The following SNX19 variants were observed in gnomAD, a reference collection of about 807,000 sequenced individuals.
The protein encoded by SNX19 is sorting nexin-19.
Under a neutral mutation model 85.2 loss-of-function variants are expected in SNX19, and 60 were observed. The observed-to-expected ratio is 0.70, with a 90% CI of 0.57 to 0.87. SNX19 has a LOEUF of 0.87. Among genes scored for constraint, SNX19 ranks in the 40% least tolerant of loss-of-function variants. The pLI is 0.00. For synonymous variants in SNX19, 520 were observed against 470.0 expected, an observed-to-expected ratio of 1.11 and a Z score of -1.38; for missense variants, 1,201 against 1,217.8, an observed-to-expected ratio of 0.99 and a Z score of 0.21.
intron 8 of SNX19, among the ~76,000 whole-genome samples, chr11:130,888,314 T>C (rs1944235777): frequency 6.6e-6 from 1 of 152,164 alleles, no homozygotes. Context: ...ATGAAAAAAT[T>C]GATCAGGATA....
chr11:130,910,342 T>A lies in SNX19; in HGVS notation c.1842A>T (p.Pro614=). 6.2e-7 allele frequency: 1 copy of A among 1,609,864 alleles called. No individual in the cohort carries two copies. Among genetic ancestry groups the A allele is most frequent in the Non-Finnish European group, 8.5e-7 (1 of 1,179,186 alleles). ...KNVKGPKKLF[P]DLPLGNMDSD... ...TGTCCATGTTTCCCAATGGAAGATC[T>A]GGAAAGAGCTTTTTAGGACCCTTCA... Residue 614 remains proline (P), a synonymous_variant, in exon 3 of 11, where the codon CCA becomes CCT. Transcript: ENST00000265909.
At chr11:130,904,783 T>G (rs770351319) in intron 7 of SNX19, among the ~76,000 whole-genome samples, 5 of 151,928 alleles carry the variant, frequency 3.3e-5, no homozygotes, top group Non-Finnish European at 5.9e-5. Flanking sequence ...CCTCTAGAGA[T>G]ATGATGTTCA....
In SNX19 at chr11:130,893,817, C is replaced by T. The variant is rs552398951; in HGVS notation, c.2573+9438G>A. 335 of 702,290 alleles carry T rather than the reference C, an allele frequency of 4.8e-4. No individual in the cohort carries two copies. The East Asian group carries it at 6.5e-3, about 14-fold the overall frequency. The allele number at this position is 702,290 out of a possible 1,614,324, so 43.5% of individuals were successfully genotyped here. ...CCTCCCAGGAAGGCTGAATCCTCTCCGAGAAATCTTTCGGGGCCAGCATTA... is the reference window on the plus strand; with the variant it reads ...CCTCCCAGGAAGGCTGAATCCTCTCTGAGAAATCTTTCGGGGCCAGCATTA... On this transcript the variant is annotated intron_variant, in intron 8 of 10. Transcript: ENST00000265909.
At chr11:130,889,413 A>AG (rs1944338851) in intron 8 of SNX19, among the ~76,000 whole-genome samples, 1 of 152,128 alleles carries the variant, frequency 6.6e-6, no homozygotes, top group South Asian at 2.1e-4. Context: ...AAGACTCTTA[A>AG]GGTTTTGAAG....
At chr11:130,909,578 C>G (rs996367231) in intron 4 of SNX19, among the ~76,000 whole-genome samples, 1 of 152,184 alleles carries the variant, frequency 6.6e-6, no homozygotes, top group African/African-American at 2.4e-5. Flanking sequence ...ATACTCTGTT[C>G]TCTAGCGGAG....
chr11:130,897,561 G>A (rs567777156), intron 8 of SNX19, among the ~76,000 whole-genome samples: 43 of 152,274 alleles, frequency 2.8e-4, no homozygotes, highest in African/African-American at 9.9e-4. Context: ...TATTTTTATC[G>A]TGGCATTGCT....
At chr11:130,893,682 C>G (rs756523860) in intron 8 of SNX19, 50 of 650,552 alleles carry the variant, frequency 7.7e-5, no homozygotes, top group Non-Finnish European at 1.1e-4. Flanking sequence ...GGGTAGAAAA[C>G]ACAGAGGAGT....
At chr11:130,905,594 A>C in intron 7 of SNX19, 3 of 1,324,800 alleles carry the variant, frequency 2.3e-6, no homozygotes, top group Non-Finnish European at 3.0e-6. Flanking sequence ...AAAAGGCATG[A>C]AGGAAACCAG....
intron 7 of SNX19, among the ~76,000 whole-genome samples, chr11:130,905,315 A>G (rs1945580119): frequency 6.6e-6 from 1 of 151,732 alleles, no homozygotes; most frequent in Admixed American, 6.6e-5. Context: ...ATCATCTGCC[A>G]TGGCAGTAAA....
At chr11:130,891,353 G>C (rs964035324) in intron 8 of SNX19, among the ~76,000 whole-genome samples, 1 of 117,576 alleles carries the variant, frequency 8.5e-6, no homozygotes. Context: ...TTCACACCTG[G>C]CTATGCATTC....
rs1942794004 is a variant in SNX19 at position 130,867,035 on chromosome 11, A to G, written c.*11387T>C. ...GGTGTGAAATCCCTTTCCTAAGGCC[A>G]GACAGCTAACTACTGACAGAGCTGG... On this transcript the variant is annotated 3_prime_UTR_variant, in exon 11 of 11. Transcript: ENST00000265909. 1 of 152,246 alleles carries G rather than the reference A, an allele frequency of 6.6e-6. No homozygotes were observed. Among genetic ancestry groups the G allele is most frequent in the Non-Finnish European group, 1.5e-5 (1 of 68,044 alleles). 9.4% of individuals were successfully genotyped at this position (152,246 alleles called of 1,614,324 possible).
intron 8 of SNX19, chr11:130,893,977 CAT>C: frequency 1.7e-6 from 1 of 581,440 alleles, no homozygotes; most frequent in East Asian, 2.8e-5. Flanking sequence ...TAAGCAATAA[CAT>C]ATGGTTGCTT....
intron 8 of SNX19, among the ~76,000 whole-genome samples, chr11:130,886,357 A>C (rs111733189): frequency 6.6e-6 from 1 of 152,174 alleles, no homozygotes; most frequent in African/African-American, 2.4e-5. Flanking sequence ...GTGCATGCTC[A>C]CAGTGGGCTG....
In SNX19 at chr11:130,915,581, G is replaced by C; in HGVS notation, c.359C>G (p.Ser120Cys). ...CTCAAAGGCTGGCTCCTGGCTCACG[G>C]AACGGTACCAAGATAACACAAAATC... The part of the protein sequence containing the change: ...IRDFVLSWYR[S>C]VSQEPAFEEE... Residue 120 changes from serine (S) to cysteine (C), a missense_variant, in exon 1 of 11, where the codon TCC becomes TGC. Coordinates refer to ENST00000265909, the MANE Select transcript of SNX19 (RefSeq NM_014758.3). The C allele has an allele frequency of 6.2e-7, 1 of 1,614,238 alleles. No homozygotes were observed. The highest frequency in any genetic ancestry group is 8.5e-7 in the Non-Finnish European group (1 of 1,180,034).
At chr11:130,895,828 C>G (rs6590532) in intron 8 of SNX19, among the ~76,000 whole-genome samples, 96,419 of 151,774 alleles carry the variant, frequency 0.64, 30,883 homozygotes, top group South Asian at 0.8. Context: ...GACAGGAAAG[C>G]CATGATGTCT....
intron 9 of SNX19, among the ~76,000 whole-genome samples, chr11:130,880,232 G>T (rs1592274817): frequency 6.6e-6 from 1 of 152,144 alleles, no homozygotes; most frequent in Admixed American, 6.5e-5. Flanking sequence ...TTCTTCCTTG[G>T]TCCCAAAATG....
chr11:130,892,394 C>T (rs536385372), intron 8 of SNX19, among the ~76,000 whole-genome samples: 1 of 152,128 alleles, frequency 6.6e-6, no homozygotes, highest in South Asian at 2.1e-4. Flanking sequence ...CTTGCCTTGC[C>T]TTTTTCACAA....
intron 8 of SNX19, chr11:130,893,929 T>C (rs1042528568): frequency 1.5e-6 from 1 of 649,024 alleles, no homozygotes; most frequent in South Asian, 1.7e-5. Flanking sequence ...CAAAGGGCAC[T>C]TGGAGAAGCC....
intron 1 of SNX19, among the ~76,000 whole-genome samples, chr11:130,913,305 C>T (rs1459499815): frequency 1.3e-5 from 2 of 152,200 alleles, no homozygotes; most frequent in African/African-American, 4.8e-5. Context: ...TATACCAGTC[C>T]TTTGAGGCTA....
Sources: gnomAD v4.1 joint callset for allele counts (sites outside exome capture counted in the v4.1 genomes callset) on GRCh38, gnomAD v4.1.1 for gene constraint, MANE v1.5 for transcripts, NCBI Gene and HGNC (gene_info 2026-07-23, HGNC 2026-07-21) for gene names.